The following BCAS4 variants were observed in gnomAD, a reference collection of about 807,000 sequenced individuals.
The protein encoded by BCAS4 is breast carcinoma-amplified sequence 4.
In BCAS4, 9 loss-of-function variants were observed where a neutral mutation model predicts 15.7. That is an observed-to-expected ratio of 0.57 (90% CI 0.34 to 1.00). BCAS4 has a LOEUF of 1.00. Ranked by LOEUF, BCAS4 falls within the 50% of genes least tolerant of loss-of-function variation. The pLI is 0.02. For synonymous variants in BCAS4, 101 were observed against 99.5 expected, an observed-to-expected ratio of 1.02 and a Z score of -0.09; for missense variants, 225 against 239.1, an observed-to-expected ratio of 0.94 and a Z score of 0.39.
At chr20:50,842,000 G>A in intron 4 of BCAS4, 100 bp downstream of exon 4, 1 of 1,387,714 alleles carries the variant, frequency 7.2e-7, no homozygotes, top group South Asian at 1.5e-5. Context: ...GTTCAGGGGG[G>A]CACATTTCAC....
intron 4 of BCAS4, among the ~76,000 whole-genome samples, chr20:50,857,036 T>G (rs1978798356): frequency 6.6e-6 from 1 of 152,270 alleles, no homozygotes; most frequent in Non-Finnish European, 1.5e-5. Flanking sequence ...ACATTGTACG[T>G]TTGTGCTGTT....
chr20:50,880,869 T>C (rs1306218159), downstream of BCAS4: 1 of 152,202 alleles, frequency 6.6e-6, no homozygotes, highest in Non-Finnish European at 1.5e-5. Flanking sequence ...GGTAAACTTC[T>C]GGAAAAAATA....
chr20:50,870,981 C>T (rs1305004272), intron 4 of BCAS4, among the ~76,000 whole-genome samples: 1 of 152,086 alleles, frequency 6.6e-6, no homozygotes, highest in African/African-American at 2.4e-5. Context: ...TTCCTGCCTG[C>T]GGCCCGGGAG....
chr20:50,848,340 G>C (rs2088572660), intron 4 of BCAS4, among the ~76,000 whole-genome samples: 1 of 152,184 alleles, frequency 6.6e-6, no homozygotes, highest in Non-Finnish European at 1.5e-5. Context: ...TGTGGAAGCT[G>C]AGAGCTAGAT....
At chr20:50,799,663 A>G (rs142933552) in intron 1 of BCAS4, among the ~76,000 whole-genome samples, 3 of 152,206 alleles carry the variant, frequency 2.0e-5, no homozygotes, top group Non-Finnish European at 4.4e-5. Flanking sequence ...TTCATTCAGC[A>G]CCTTCAGCCT....
At chr20:50,850,508 G>A (rs944405190) in intron 4 of BCAS4, among the ~76,000 whole-genome samples, 6 of 152,338 alleles carry the variant, frequency 3.9e-5, no homozygotes, top group South Asian at 2.1e-4. Context: ...TTCGGCCAGC[G>A]TGGTATATGG....
chr20:50,823,825 T>C (rs906753739), intron 2 of BCAS4, among the ~76,000 whole-genome samples: 1 of 152,010 alleles, frequency 6.6e-6, no homozygotes, highest in Non-Finnish European at 1.5e-5. Context: ...GGAGGCCTTA[T>C]GGGGTGATGA....
At chr20:50,829,801 C>T (rs1338348376) in intron 2 of BCAS4, among the ~76,000 whole-genome samples, 1 of 151,960 alleles carries the variant, frequency 6.6e-6, no homozygotes, top group African/African-American at 2.4e-5. Flanking sequence ...CAAGGAAGTA[C>T]TTAGGACAGT....
chr20:50,801,741 A>T (rs1472976490), intron 1 of BCAS4, among the ~76,000 whole-genome samples: 1 of 152,142 alleles, frequency 6.6e-6, no homozygotes, highest in Non-Finnish European at 1.5e-5. Flanking sequence ...GCAGGTGGGG[A>T]GGAAGCTAAG....
chr20:50,872,365 T>C (rs986513667), intron 4 of BCAS4, among the ~76,000 whole-genome samples: 1 of 149,686 alleles, frequency 6.7e-6, no homozygotes, highest in Non-Finnish European at 1.5e-5. Flanking sequence ...GGTCAGGAGA[T>C]TGAGACCATC....
intron 2 of BCAS4, among the ~76,000 whole-genome samples, chr20:50,821,041 C>T (rs1317365640): frequency 6.6e-6 from 1 of 152,188 alleles, no homozygotes; most frequent in Non-Finnish European, 1.5e-5. Flanking sequence ...GCCGCCATGT[C>T]ACGTGGCAAG....
chr20:50,855,142 G>T (rs1978687230), intron 4 of BCAS4, among the ~76,000 whole-genome samples: 1 of 152,150 alleles, frequency 6.6e-6, no homozygotes, highest in Non-Finnish European at 1.5e-5. Flanking sequence ...ATTCCATCTT[G>T]ACCACTGGGG....
At position 50,817,103 on chromosome 20, in the gene BCAS4, A is replaced by ATTT. The variant is rs757281364; in HGVS notation, c.91-1095_91-1093dup. 6.4e-4 allele frequency among the ~76,000 whole-genome samples: 92 copies of ATTT among 143,624 alleles called. 1 individual carries two copies. The highest frequency in any genetic ancestry group is 2.2e-3 in the African/African-American group (88 of 39,324). The allele number at this position is 143,624 out of a possible 152,430, so 94.2% of individuals were successfully genotyped here. On this transcript the variant is annotated intron_variant, in intron 1 of 4. Coordinates refer to ENST00000371608, the MANE Select transcript of BCAS4 (RefSeq NM_198799.4). The stretch of plus-strand genomic sequence containing the variant: ...GGCGTGAGCCAGTGCACCTGGGCTA[A>ATTT]TTTTTTTTTTTTTTTAAAGGGATGG...
intron 4 of BCAS4, among the ~76,000 whole-genome samples, chr20:50,867,171 ACACATTATGAACTCAAGTC>A (rs1274591156): frequency 6.6e-6 from 1 of 152,220 alleles, no homozygotes; most frequent in African/African-American, 2.4e-5. Flanking sequence ...ACCAACACTG[ACACATTATGAACTCAAGTC>A]CACAGTTGCT....
intron 4 of BCAS4, among the ~76,000 whole-genome samples, chr20:50,855,820 G>A (rs550212085): frequency 6.6e-6 from 1 of 152,386 alleles, no homozygotes; most frequent in African/African-American, 2.4e-5. Context: ...ATGAACCTGA[G>A]GATGAATAAA....
intron 4 of BCAS4, among the ~76,000 whole-genome samples, chr20:50,842,879 G>T (rs1313762589): frequency 6.6e-6 from 1 of 152,200 alleles, no homozygotes; most frequent in Non-Finnish European, 1.5e-5. Flanking sequence ...GGCTCTGCCT[G>T]CAGGTATCCC....
chr20:50,796,491 T>A (rs34858989), intron 1 of BCAS4, among the ~76,000 whole-genome samples: 41 of 21,316 alleles, frequency 1.9e-3, no homozygotes, highest in South Asian at 2.7e-3. Flanking sequence ...ATATATATTT[T>A]TTTTTTTTTT....
intron 3 of BCAS4, among the ~76,000 whole-genome samples, chr20:50,835,859 T>A (rs769836942): frequency 6.6e-6 from 1 of 152,020 alleles, no homozygotes; most frequent in African/African-American, 2.4e-5. Flanking sequence ...GAGTCCTAAG[T>A]GAGGTCCCAA....
intron 1 of BCAS4, among the ~76,000 whole-genome samples, chr20:50,814,206 C>T (rs1250612623): frequency 6.6e-6 from 1 of 152,218 alleles, no homozygotes; most frequent in African/African-American, 2.4e-5. Flanking sequence ...TTTTGGGAAC[C>T]TCCCTAGATA....
Sources: gnomAD v4.1 joint callset for allele counts (sites outside exome capture counted in the v4.1 genomes callset) on GRCh38, gnomAD v4.1.1 for gene constraint, MANE v1.5 for transcripts, NCBI Gene and HGNC (gene_info 2026-07-23, HGNC 2026-07-21) for gene names.